Variants in SETBP1 observed in about 807,000 individuals in gnomAD.
SETBP1 encodes SET-binding protein.
A neutral mutation model predicts 101.0 loss-of-function variants in SETBP1; 9 were observed. The ratio of observed to expected loss-of-function variants is 0.09; its 90% confidence interval spans 0.05 to 0.16. The LOEUF (loss-of-function observed/expected upper bound fraction) is 0.16. Among genes scored for constraint, SETBP1 ranks in the 10% least tolerant of loss-of-function variants. The pLI is 1.00. For synonymous variants in SETBP1, 818 were observed against 788.5 expected (o/e 1.04, Z -0.63); for missense variants, 1,858 against 2,033.8 (o/e 0.91, Z 1.66).
intron 2 of SETBP1, among the ~76,000 whole-genome samples, chr18:44,758,089 G>C (rs574848376): frequency 6.6e-6 from 1 of 152,106 alleles, no homozygotes; most frequent in Non-Finnish European, 1.5e-5. Context: ...GCTTCCATCC[G>C]TCCCATCTAT....
At chr18:44,957,288 A>G (rs1717381492) in intron 4 of SETBP1, among the ~76,000 whole-genome samples, 1 of 152,060 alleles carries the variant, frequency 6.6e-6, no homozygotes, top group Non-Finnish European at 1.5e-5. Context: ...TTCTATTCAG[A>G]CCACTTGGAA....
At chr18:44,824,302 C>T (rs564844531) in intron 2 of SETBP1, among the ~76,000 whole-genome samples, 4 of 152,208 alleles carry the variant, frequency 2.6e-5, no homozygotes, top group South Asian at 2.1e-4. Flanking sequence ...TCTGAGAGTT[C>T]GGTGGTGCCC....
chr18:44,876,849 A>T, intron 3 of SETBP1: 2 of 1,424,460 alleles, frequency 1.4e-6, no homozygotes, highest in Non-Finnish European at 9.2e-7. Context: ...CTAGTGAGTG[A>T]CAGCATTTGG....
chr18:45,050,889 T>C (rs2073710308), intron 5 of SETBP1, among the ~76,000 whole-genome samples: 2 of 152,246 alleles, frequency 1.3e-5, no homozygotes, highest in Admixed American at 6.5e-5. Context: ...TGTTCTCCAA[T>C]GCCTGAAGAT....
chr18:45,051,111 G>A (rs1158086423), intron 5 of SETBP1, among the ~76,000 whole-genome samples: 1 of 152,006 alleles, frequency 6.6e-6, no homozygotes, highest in African/African-American at 2.4e-5. Flanking sequence ...TCTGTGTTTT[G>A]TTTATGACTC....
chr18:44,682,933 G>A (rs1212858083), intron 1 of SETBP1, among the ~76,000 whole-genome samples: 2 of 152,072 alleles, frequency 1.3e-5, no homozygotes, highest in African/African-American at 4.8e-5. Flanking sequence ...ATGCACCACC[G>A]GGAGCCAGAG....
At chr18:44,771,882 C>T (rs1300688659) in intron 2 of SETBP1, among the ~76,000 whole-genome samples, 1 of 152,192 alleles carries the variant, frequency 6.6e-6, no homozygotes, top group Non-Finnish European at 1.5e-5. Flanking sequence ...ATGATTTCCC[C>T]CCCAAGGGAT....
rs1411000238 is a variant in SETBP1, at chr18:44,950,039, G to C, written c.699G>C (p.Gln233His). 6.2e-7 allele frequency: 1 copy of C among 1,614,198 alleles called. No individual in the cohort carries two copies. Among genetic ancestry groups the C allele is most frequent in the Non-Finnish European group, 8.5e-7 (1 of 1,180,026 alleles). Residue 233 changes from glutamine to histidine, a missense_variant, in exon 4 of 6, where the codon CAG becomes CAC. This residue lies in a region of SETBP1 where 581 missense variants were observed against 535.1 expected (regional missense o/e 1.09). Transcript: ENST00000649279. Reference protein sequence around the residue: ...STNSDSGPVTQNCFISPESGR... With the variant: ...STNSDSGPVTHNCFISPESGR... ...ACTCTGACAGCGGACCCGTCACTCA[G>C]AATTGCTTCATCAGTCCAGAGTCTG...
intron 4 of SETBP1, among the ~76,000 whole-genome samples, chr18:44,997,165 A>G (rs1406620382): frequency 6.6e-6 from 1 of 152,100 alleles, no homozygotes; most frequent in Non-Finnish European, 1.5e-5. Flanking sequence ...CATCAGGCTG[A>G]CAGCATCTGC....
chr18:44,765,119 C>T (rs549503947), intron 2 of SETBP1, among the ~76,000 whole-genome samples: 15 of 152,240 alleles, frequency 9.9e-5, no homozygotes, highest in East Asian at 7.7e-4. Context: ...CAGGTTTTGC[C>T]GCAAACAAGC....
intron 2 of SETBP1, among the ~76,000 whole-genome samples, chr18:44,856,422 T>C (rs746493874): frequency 6.6e-6 from 1 of 152,244 alleles, no homozygotes; most frequent in Non-Finnish European, 1.5e-5. Context: ...TTCCTCCATC[T>C]GTCAAACCAG....
chr18:44,882,118 A>G (rs1299049269), intron 3 of SETBP1, among the ~76,000 whole-genome samples: 1 of 152,168 alleles, frequency 6.6e-6, no homozygotes, highest in African/African-American at 2.4e-5. Flanking sequence ...ACATATGGAA[A>G]GAGATCAGAA....
intron 3 of SETBP1, among the ~76,000 whole-genome samples, chr18:44,907,703 TC>T (rs1348803642): frequency 6.6e-6 from 1 of 152,216 alleles, no homozygotes; most frequent in Non-Finnish European, 1.5e-5. Context: ...AACTGGGTTG[TC>T]TTTTTATTGT....
chr18:44,919,922 T>G (rs1373448929), intron 3 of SETBP1, among the ~76,000 whole-genome samples: 2 of 152,182 alleles, frequency 1.3e-5, no homozygotes, highest in African/African-American at 4.8e-5. Flanking sequence ...TTTTGGGTTG[T>G]TTGTTTTCCT....
In SETBP1 at chr18:44,789,791, C is replaced by T. The variant is rs551512458; in HGVS notation, c.487-79439C>T. 1.3e-3 allele frequency among the ~76,000 whole-genome samples: 198 copies of T among 152,190 alleles called. 1 individual carries two copies. The highest frequency in any genetic ancestry group is 3.2e-3 in the Middle Eastern group (1 of 316). The stretch of plus-strand genomic sequence containing the variant: ...ACCTGTGTGCATAGTAAACTCACTC[C>T]TCCCACATTCCTGAAATTTAGCAAA... On this transcript the variant is annotated intron_variant, in intron 2 of 5. Transcript: ENST00000649279.
At chr18:45,044,458 G>A (rs931470200) in intron 5 of SETBP1, among the ~76,000 whole-genome samples, 11 of 152,218 alleles carry the variant, frequency 7.2e-5, no homozygotes, top group African/African-American at 2.2e-4. Flanking sequence ...AAGGGACTCG[G>A]CAGGGTTGGA....
chr18:44,997,377 G>A (rs1428299663), intron 4 of SETBP1, among the ~76,000 whole-genome samples: 2 of 152,104 alleles, frequency 1.3e-5, no homozygotes, highest in Non-Finnish European at 2.9e-5. Context: ...TATTTGCCAG[G>A]TGGCTCCCAG....
chr18:44,875,459 C>T (rs971577119), intron 3 of SETBP1, among the ~76,000 whole-genome samples: 1 of 138,180 alleles, frequency 7.2e-6, no homozygotes, highest in African/African-American at 2.7e-5. Flanking sequence ...AGGAGGTTGC[C>T]GAGATCGGGG....
intron 2 of SETBP1, among the ~76,000 whole-genome samples, chr18:44,863,703 A>G (rs187801762): frequency 6.6e-6 from 1 of 152,234 alleles, no homozygotes; most frequent in African/African-American, 2.4e-5. Flanking sequence ...TTTGAGGGTA[A>G]ATTTGAAAAT....
Sources: gnomAD v4.1 joint callset for allele counts (sites outside exome capture counted in the v4.1 genomes callset) on GRCh38, gnomAD v4.1.1 for gene constraint, gnomAD v4.1.1 regional missense constraint, MANE v1.5 for transcripts, NCBI Gene and HGNC (gene_info 2026-07-23, HGNC 2026-07-21) for gene names.